SCARB1: variants seen among roughly 807,000 people sequenced by gnomAD.
The protein encoded by SCARB1 is scavenger receptor class B member 1.
A neutral mutation model predicts 57.2 loss-of-function variants in SCARB1; 30 were observed. The ratio of observed to expected loss-of-function variants is 0.52; its 90% CI spans 0.39 to 0.71. SCARB1 has a LOEUF of 0.71. Among genes scored for constraint, SCARB1 ranks in the 30% least tolerant of loss-of-function variants. The probability of loss-of-function intolerance (pLI) is 0.00; values close to 1 mark genes in which losing one functional copy is unlikely to be tolerated. For synonymous variants in SCARB1, 249 were observed against 268.3 expected (o/e 0.93, Z 0.70); for missense variants, 543 against 671.2 (o/e 0.81, Z 2.11).
intron 7 of SCARB1, among the ~76,000 whole-genome samples, chr12:124,801,464 GAAAAC>G (rs879505910): frequency 3.9e-5 from 6 of 152,116 alleles, no homozygotes; most frequent in Non-Finnish European, 5.9e-5. Flanking sequence ...CCTCAGTAAG[GAAAAC>G]AAAACAAAAC....
intron 1 of SCARB1, among the ~76,000 whole-genome samples, chr12:124,832,312 G>C (rs998060000): frequency 1.3e-5 from 2 of 152,164 alleles, no homozygotes; most frequent in Non-Finnish European, 2.9e-5. Context: ...TTGAGGTCAG[G>C]AGTTGGAGAC....
chr12:124,778,829 G>A (rs960712983), intron 12 of SCARB1, among the ~76,000 whole-genome samples: 2 of 152,178 alleles, frequency 1.3e-5, no homozygotes, highest in African/African-American at 2.4e-5. Flanking sequence ...AGAAACTGAG[G>A]CCCAAAGAGA....
chr12:124,857,058 G>C (rs1952664827), intron 1 of SCARB1, among the ~76,000 whole-genome samples: 1 of 152,108 alleles, frequency 6.6e-6, no homozygotes, highest in Non-Finnish European at 1.5e-5. Flanking sequence ...TATAAGAAGG[G>C]CACCCCCCGC....
intron 1 of SCARB1, among the ~76,000 whole-genome samples, chr12:124,829,905 A>G (rs182360098): frequency 4.7e-4 from 71 of 152,314 alleles, no homozygotes; most frequent in African/African-American, 1.7e-3. Flanking sequence ...GACATTATCA[A>G]TATCTGAAAT....
intron 12 of SCARB1, among the ~76,000 whole-genome samples, chr12:124,780,524 A>G (rs1388566676): frequency 6.6e-6 from 1 of 152,216 alleles, no homozygotes; most frequent in Non-Finnish European, 1.5e-5. Context: ...CAGGGGGACC[A>G]CCAGCCACCA....
At chr12:124,805,748 TTG>T (rs1376417467) in intron 7 of SCARB1, among the ~76,000 whole-genome samples, 3,000 of 119,824 alleles carry the variant, frequency 0.025, 132 homozygotes, top group African/African-American at 0.11. Flanking sequence ...TTTTTTTTTT[TTG>T]GCCAGAGAGA....
chr12:124,833,570 C>T (rs1951509415), intron 1 of SCARB1, among the ~76,000 whole-genome samples: 1 of 152,132 alleles, frequency 6.6e-6, no homozygotes, highest in South Asian at 2.1e-4. Flanking sequence ...GATCAGGACG[C>T]CAGCACCTTT....
chr12:124,797,776 G>A (rs1481865515), intron 8 of SCARB1, among the ~76,000 whole-genome samples: 2 of 152,228 alleles, frequency 1.3e-5, no homozygotes, highest in East Asian at 3.8e-4. Context: ...CTGGGGCCGG[G>A]GCCGAGAGGG....
In SCARB1 at chr12:124,829,316, G is replaced by A. The variant is rs183937150; in HGVS notation, c.127-11609C>T. Among the ~76,000 whole-genome samples, 33 of 152,206 alleles carry A rather than the reference G, an allele frequency of 2.2e-4. 1 individual carries two copies. The East Asian group carries it at 5.6e-3, about 26-fold the overall frequency. On this transcript the variant is annotated intron_variant, in intron 1 of 12. Coordinates refer to ENST00000261693, the MANE Select transcript of SCARB1 (RefSeq NM_005505.5). ...ATCCTGGCTTGTATGGATGGGTGCC[G>A]TAGTTTCCCCGCTGTTTTCCTGCCT...
At chr12:124,840,106 T>G (rs1005274426) in intron 1 of SCARB1, 1 of 1,243,266 alleles carries the variant, frequency 8.0e-7, no homozygotes, top group Non-Finnish European at 1.1e-6. Context: ...TGGGTATGAG[T>G]GTGTCTCACT....
chr12:124,798,417 T>A (rs534047612), intron 8 of SCARB1, among the ~76,000 whole-genome samples: 3 of 149,730 alleles, frequency 2.0e-5, no homozygotes, highest in Admixed American at 2.0e-4. Flanking sequence ...TCTCAAAAAA[T>A]AAATAAATAA....
In SCARB1 at chr12:124,810,316, CCT is replaced by C. The variant is rs1393232738; in HGVS notation, c.727-29_727-28del. ...TGGGGGGAAGCATCCAGACTAGACCCCTCAGTAGGGCCAAGGCCCCTTAATAA... is the reference window on the plus strand; with the variant it reads ...TGGGGGGAAGCATCCAGACTAGACCCCAGTAGGGCCAAGGCCCCTTAATAA... On this transcript the variant is annotated intron_variant, in intron 5 of 12. Transcript: ENST00000261693. This position sits in a 1 kb window ranked among gnomAD's most constrained non-coding sequence, Gnocchi z 4.0. 2 of 1,532,416 alleles carry C rather than the reference CCT, an allele frequency of 1.3e-6. No individual in the cohort carries two copies. The highest frequency in any genetic ancestry group is 1.8e-6 in the Non-Finnish European group (2 of 1,105,670). 94.9% of individuals were successfully genotyped at this position (1,532,416 alleles called of 1,614,324 possible). A position where few individuals can be genotyped will look rare whatever the true frequency, so the allele number is the denominator to read the frequency against.
chr12:124,835,862 C>T (rs966448079), intron 1 of SCARB1, among the ~76,000 whole-genome samples: 6 of 152,344 alleles, frequency 3.9e-5, no homozygotes, highest in Middle Eastern at 3.4e-3. Flanking sequence ...TGGCCCAGCC[C>T]GCTGGAGCAA....
intron 1 of SCARB1, among the ~76,000 whole-genome samples, chr12:124,832,958 A>G (rs57620361): frequency 0.094 from 14,365 of 152,088 alleles, 734 homozygotes; most frequent in East Asian, 0.18. Context: ...GATGAAAGTC[A>G]CGGTGCAGGC....
intron 1 of SCARB1, among the ~76,000 whole-genome samples, chr12:124,860,254 G>C (rs532868596): frequency 6.6e-6 from 1 of 152,302 alleles, no homozygotes; most frequent in East Asian, 1.9e-4. Flanking sequence ...TCTGTGAAAA[G>C]GACATAGACA....
At chr12:124,840,672 CACCCTTG>C (rs1471401180) in intron 1 of SCARB1, among the ~76,000 whole-genome samples, 3 of 152,168 alleles carry the variant, frequency 2.0e-5, no homozygotes, top group Non-Finnish European at 4.4e-5. Context: ...CTTGAGGAAC[CACCCTTG>C]ATTCCTCTCC....
At position 124,817,467 on chromosome 12, in the gene SCARB1, GCCTCCCCATCCCGTCCACTCTGAGACC is replaced by G. The variant is rs1455581116; in HGVS notation, c.284+56_284+82del. On this transcript the variant is annotated intron_variant, in intron 2 of 12. Coordinates refer to ENST00000261693, the MANE Select transcript of SCARB1 (RefSeq NM_005505.5). This position sits in a 1 kb window ranked among gnomAD's most constrained non-coding sequence, Gnocchi z 4.8. ...AACAATCTCTGGGGCTCAGTCAGCA[GCCTCCCCATCCCGTCCACTCTGAGACC>G]CCTCCCCTGCCCAGCCTCAGCCGGC... The G allele has an allele frequency of 4.4e-6, 6 of 1,375,492 alleles. No individual in the cohort carries two copies. The African/African-American group carries it at 8.6e-5, about 20-fold the overall frequency. The allele number at this position is 1,375,492 out of a possible 1,614,324, so 85.2% of individuals were successfully genotyped here.
chr12:124,852,410 C>T (rs7296737), intron 1 of SCARB1, among the ~76,000 whole-genome samples: 47,356 of 152,134 alleles, frequency 0.31, 8,735 homozygotes, highest in South Asian at 0.42. Context: ...CCTTACCCCT[C>T]GCTACAGCCC....
At chr12:124,782,507 A>G (rs1342349910) in intron 12 of SCARB1, among the ~76,000 whole-genome samples, 176 bp downstream of exon 12, 1 of 152,212 alleles carries the variant, frequency 6.6e-6, no homozygotes, top group East Asian at 1.9e-4. Flanking sequence ...CACTCAGAAC[A>G]TAGGAAGGGC....
Sources: allele counts gnomAD v4.1 joint callset (sites outside exome capture counted in the v4.1 genomes callset), GRCh38; gene constraint gnomAD v4.1.1; non-coding constraint Gnocchi (gnomAD v3.1); transcripts MANE v1.5; gene names NCBI Gene and HGNC (gene_info 2026-07-23, HGNC 2026-07-21).